MYO1B: variants seen among roughly 807,000 people sequenced by gnomAD.
MYO1B encodes the protein unconventional myosin-Ib.
In MYO1B, 72 loss-of-function variants were observed where a neutral mutation model predicts 159.7. The ratio of observed to expected loss-of-function variants is 0.45; its 90% CI spans 0.37 to 0.55. MYO1B has a LOEUF of 0.55. MYO1B is among the 20% of genes least tolerant of loss of function. The pLI is 0.00. For synonymous variants in MYO1B, 468 were observed against 473.8 expected (o/e 0.99, Z 0.16); for missense variants, 1,062 against 1,364.8 (o/e 0.78, Z 3.50).
At chr2:191,393,341 A>G in intron 20 of MYO1B, 119 bp downstream of exon 20, 1 of 1,168,548 alleles carries the variant, frequency 8.6e-7, no homozygotes, top group Non-Finnish European at 1.2e-6. Flanking sequence ...TCATGAGATA[A>G]TGGATGTTCT....
At chr2:191,387,546 C>T in intron 17 of MYO1B, 96 bp downstream of exon 17, 2 of 1,065,160 alleles carry the variant, frequency 1.9e-6, no homozygotes, top group Non-Finnish European at 1.4e-6. Context: ...GTAGCCCAAG[C>T]AGAGGGTAAC....
chr2:191,397,942 C>G lies in MYO1B; in HGVS notation c.2295+1445C>G, dbSNP rs1164345366. Among the ~76,000 whole-genome samples, 6 of 55,892 alleles carry G rather than the reference C, an allele frequency of 1.1e-4. 1 individual carries two copies. In the East Asian group the frequency reaches 1.6e-3, roughly 15 times the overall value. The allele number at this position is 55,892 out of a possible 152,430, so 36.7% of individuals were successfully genotyped here. On this transcript the variant is annotated intron_variant, in intron 21 of 30. Transcript: ENST00000392318. ...CTCCCGGACAGGGCGGCTGGCCGGGCGGGCCGACCCCCCCACCTCCCTCCC... is the reference window on the plus strand; with the variant it reads ...CTCCCGGACAGGGCGGCTGGCCGGGGGGGCCGACCCCCCCACCTCCCTCCC...
intron 1 of MYO1B, among the ~76,000 whole-genome samples, chr2:191,272,315 T>C (rs1190081434): frequency 1.3e-5 from 2 of 152,214 alleles, no homozygotes; most frequent in African/African-American, 4.8e-5. Context: ...TTTTCTGGAC[T>C]AGTAGCCCAA....
intron 1 of MYO1B, among the ~76,000 whole-genome samples, chr2:191,256,670 A>G (rs531284892): frequency 2.0e-5 from 3 of 152,358 alleles, no homozygotes; most frequent in East Asian, 3.9e-4. Flanking sequence ...TAAATCTTCT[A>G]TAACCTGGTT....
intron 3 of MYO1B, among the ~76,000 whole-genome samples, chr2:191,326,900 C>G (rs1362587284): frequency 3.3e-5 from 5 of 151,696 alleles, no homozygotes; most frequent in Non-Finnish European, 5.9e-5. Context: ...AGTTGTAGCC[C>G]TAGGAGCATG....
intron 1 of MYO1B, chr2:191,248,153 C>T: frequency 2.4e-6 from 1 of 418,180 alleles, no homozygotes; most frequent in South Asian, 1.0e-4. Context: ...ATTAAATAGC[C>T]TAACAATAAT....
At chr2:191,324,152 TC>T (rs1224656515) in intron 3 of MYO1B, among the ~76,000 whole-genome samples, 2 of 152,156 alleles carry the variant, frequency 1.3e-5, no homozygotes, top group African/African-American at 4.8e-5. Flanking sequence ...TAAATGTCAT[TC>T]CTGTAGGCAC....
chr2:191,389,310 T>TGCCAAAC (rs1695596282), intron 17 of MYO1B, among the ~76,000 whole-genome samples: 1 of 151,024 alleles, frequency 6.6e-6, no homozygotes, highest in Admixed American at 6.6e-5. Context: ...TGTTTAAGTA[T>TGCCAAAC]TAGTTAGGAC....
At chr2:191,282,523 G>A (rs1688122363) in intron 2 of MYO1B, among the ~76,000 whole-genome samples, 1 of 151,454 alleles carries the variant, frequency 6.6e-6, no homozygotes, top group African/African-American at 2.4e-5. Flanking sequence ...ATGCTTTTGG[G>A]AAAAAAAAAT....
Position 191,387,447 on chromosome 2 carries a change from T to A in MYO1B, c.1778T>A (p.Ile593Asn), listed in dbSNP as rs1329246897. Residue 593 changes from isoleucine to asparagine, a missense_variant, in exon 17 of 31, where the codon ATT (isoleucine) becomes AAT (asparagine). By Grantham distance (149) the Ile-to-Asn change is moderately radical (BLOSUM62 -3). This residue lies in a region of MYO1B where 609 missense variants were observed against 744.4 expected (regional missense o/e 0.82). Coordinates refer to ENST00000392318, the MANE Select transcript of MYO1B (RefSeq NM_001130158.3). The part of the protein sequence containing the change: ...KNLQTKNPNY[I>N]RCIKPNDKKA... Reference sequence around the variant, plus strand: ...CTACAGACCAAGAACCCAAACTATATTAGGTATTTTTGGCACATGAAACTT... The same window carrying A: ...CTACAGACCAAGAACCCAAACTATAATAGGTATTTTTGGCACATGAAACTT... 14 of 1,613,556 alleles carry A rather than the reference T, an allele frequency of 8.7e-6. No individual in the cohort carries two copies. The highest frequency in any genetic ancestry group is 1.1e-5 in the Non-Finnish European group (13 of 1,179,600).
chr2:191,308,180 C>T (rs942519113), intron 3 of MYO1B, among the ~76,000 whole-genome samples: 2 of 152,090 alleles, frequency 1.3e-5, no homozygotes, highest in African/African-American at 4.8e-5. Context: ...GCGAAAGGGA[C>T]TTGTTATGAA....
intron 4 of MYO1B, among the ~76,000 whole-genome samples, chr2:191,332,355 A>ATT (rs11289665): frequency 2.0e-5 from 3 of 147,134 alleles, no homozygotes; most frequent in Non-Finnish European, 3.0e-5. Flanking sequence ...ATATTATAGG[A>ATT]TTTTTTTTTT....
intron 7 of MYO1B, among the ~76,000 whole-genome samples, chr2:191,358,445 G>T (rs1693441941): frequency 1.3e-5 from 2 of 152,174 alleles, no homozygotes; most frequent in South Asian, 2.1e-4. Flanking sequence ...CACTTTGCCA[G>T]CATTCCTTTT....
chr2:191,319,729 G>A (rs549925109), intron 3 of MYO1B, among the ~76,000 whole-genome samples: 2 of 152,202 alleles, frequency 1.3e-5, no homozygotes, highest in African/African-American at 4.8e-5. Context: ...CAAAATAAAT[G>A]CATTATACTT....
intron 2 of MYO1B, among the ~76,000 whole-genome samples, chr2:191,285,395 G>A (rs1469445350): frequency 1.3e-5 from 2 of 152,156 alleles, no homozygotes; most frequent in African/African-American, 2.4e-5. Flanking sequence ...GTGTAGGCAC[G>A]TCTTGGACTA....
At chr2:191,359,142 A>G (rs1693494066) in intron 7 of MYO1B, among the ~76,000 whole-genome samples, 1 of 152,202 alleles carries the variant, frequency 6.6e-6, no homozygotes, top group Non-Finnish European at 1.5e-5. Context: ...GTCACATGAT[A>G]AGTAAAATCG....
At chr2:191,249,677 A>G (rs1205706813) in intron 1 of MYO1B, among the ~76,000 whole-genome samples, 1 of 152,206 alleles carries the variant, frequency 6.6e-6, no homozygotes, top group Non-Finnish European at 1.5e-5. Context: ...GGAAAAGTCA[A>G]TATTAGGTTT....
intron 3 of MYO1B, among the ~76,000 whole-genome samples, chr2:191,303,116 T>C (rs981281854): frequency 1.3e-5 from 2 of 152,244 alleles, no homozygotes; most frequent in Admixed American, 1.3e-4. Flanking sequence ...AGTGCTGTGG[T>C]TGAGTATACA....
Position 191,423,900 on chromosome 2 carries a change from T to C in MYO1B, c.3351T>C (p.Asn1117=). ...AGTTTATTCAGGGAAACCAGAAAAA[T>C]GGGAGTGTCCCAACATGTAAACGAA... ...CVKFIQGNQK[N]GSVPTCKRKN... The change falls in exon 31 of 31, where the codon AAT becomes AAC. Residue 1117 remains asparagine, a synonymous_variant. Transcript: ENST00000392318. 1 of 1,613,980 alleles carries C rather than the reference T, an allele frequency of 6.2e-7. No homozygotes were observed. Among genetic ancestry groups the C allele is most frequent in the South Asian group, 1.1e-5 (1 of 91,060 alleles).
Sources: allele counts gnomAD v4.1 joint callset (sites outside exome capture counted in the v4.1 genomes callset), GRCh38; gene constraint gnomAD v4.1.1; regional missense constraint gnomAD v4.1.1; transcripts MANE v1.5; gene names NCBI Gene and HGNC (gene_info 2026-07-23, HGNC 2026-07-21).